Variants in SYNPR observed in about 807,000 individuals in gnomAD.
SYNPR encodes the protein synaptoporin.
A neutral mutation model predicts 32.9 loss-of-function variants in SYNPR; 23 were observed. The ratio of observed to expected loss-of-function variants is 0.70; its 90% confidence interval spans 0.50 to 0.99. The LOEUF (loss-of-function observed/expected upper bound fraction) is 0.99, where lower values mean the gene tolerates loss of function less well. Among genes scored for constraint, SYNPR ranks in the 50% least tolerant of loss-of-function variants. The pLI, the probability that SYNPR is intolerant of heterozygous loss-of-function variation, is 0.00. For missense variants in SYNPR, 318 were observed against 349.3 expected, an observed-to-expected ratio of 0.91 and a Z score of 0.71; for synonymous variants, 146 against 135.9, an observed-to-expected ratio of 1.07 and a Z score of -0.52.
chr3:63,586,322 A>G (rs1317739312), intron 4 of SYNPR, among the ~76,000 whole-genome samples: 1 of 151,948 alleles, frequency 6.6e-6, no homozygotes, highest in Non-Finnish European at 1.5e-5. Flanking sequence ...AAATGTAGTC[A>G]CAATCCTTCC....
intron 2 of SYNPR, among the ~76,000 whole-genome samples, chr3:63,447,221 A>G (rs746357201): frequency 9.2e-5 from 14 of 152,196 alleles, no homozygotes; most frequent in Non-Finnish European, 1.9e-4. Context: ...AATATAGACT[A>G]TCCCTAAAAA....
At chr3:63,442,523 C>A (rs746092898) in intron 2 of SYNPR, among the ~76,000 whole-genome samples, 1 of 152,122 alleles carries the variant, frequency 6.6e-6, no homozygotes, top group South Asian at 2.1e-4. Context: ...GATACAAATG[C>A]CCCCAACACA....
At chr3:63,607,944 C>T (rs1189906933) in intron 4 of SYNPR, among the ~76,000 whole-genome samples, 3 of 152,054 alleles carry the variant, frequency 2.0e-5, no homozygotes, top group African/African-American at 7.2e-5. Context: ...GAAACACATG[C>T]CAAATTTTCT....
the SYNPR span, among the ~76,000 whole-genome samples, chr3:63,201,173 A>G: frequency 5.3e-5 from 8 of 152,162 alleles, no homozygotes; most frequent in Admixed American, 5.2e-4. Flanking sequence ...CAATATTGTA[A>G]CAGATCACTT....
At chr3:63,257,042 A>C (rs2086390382) in intron 2 of SYNPR, among the ~76,000 whole-genome samples, 1 of 152,204 alleles carries the variant, frequency 6.6e-6, no homozygotes, top group Non-Finnish European at 1.5e-5. Flanking sequence ...AGAAATGAAC[A>C]AAGGCCTCCA....
At chr3:63,480,060 G>A (rs1025550704) in intron 2 of SYNPR, among the ~76,000 whole-genome samples, 1 of 152,186 alleles carries the variant, frequency 6.6e-6, no homozygotes, top group East Asian at 1.9e-4. Context: ...TTTAGCATTT[G>A]CTTATGTCCC....
chr3:63,203,066 G>GTATATATATATATATATA, the SYNPR span, among the ~76,000 whole-genome samples: 2 of 12,458 alleles, frequency 1.6e-4, no homozygotes, highest in Non-Finnish European at 3.7e-4. Context: ...ATATATGTAT[G>GTATATATATATATATATA]TGTATATATA....
intron 3 of SYNPR, among the ~76,000 whole-genome samples, chr3:63,526,275 C>T (rs1233703618): frequency 2.6e-5 from 4 of 152,216 alleles, no homozygotes; most frequent in African/African-American, 4.8e-5. Flanking sequence ...ATTTCCCAGA[C>T]AGCAATAGCA....
At chr3:63,295,196 C>T (rs1246399413) in intron 2 of SYNPR, among the ~76,000 whole-genome samples, 1 of 152,116 alleles carries the variant, frequency 6.6e-6, no homozygotes, top group Non-Finnish European at 1.5e-5. Flanking sequence ...GCTATGTCGG[C>T]CTCCCTGTGA....
intron 1 of SYNPR, among the ~76,000 whole-genome samples, chr3:63,241,631 GT>G (rs757612920): frequency 2.0e-5 from 3 of 151,968 alleles, no homozygotes; most frequent in Non-Finnish European, 2.9e-5. Context: ...CATTAAAGTT[GT>G]TACGCCTGGA....
At chr3:63,596,295 C>T (rs988412892) in intron 4 of SYNPR, among the ~76,000 whole-genome samples, 1 of 138,266 alleles carries the variant, frequency 7.2e-6, no homozygotes, top group East Asian at 2.3e-4. Context: ...TTCCTTCCCC[C>T]TCCTCCCCCT....
chr3:63,537,114 C>T (rs556416491), intron 3 of SYNPR, among the ~76,000 whole-genome samples: 49 of 151,894 alleles, frequency 3.2e-4, no homozygotes, highest in African/African-American at 9.2e-4. Flanking sequence ...AAAAGGGTGA[C>T]GATATGTTAA....
intron 2 of SYNPR, among the ~76,000 whole-genome samples, chr3:63,354,167 G>A (rs899692242): frequency 4.6e-5 from 7 of 152,144 alleles, no homozygotes; most frequent in Non-Finnish European, 7.4e-5. Context: ...TGCATAACAA[G>A]CCACCTTAAA....
intron 2 of SYNPR, among the ~76,000 whole-genome samples, chr3:63,288,124 T>C (rs994757407): frequency 1.2e-4 from 19 of 152,196 alleles, no homozygotes; most frequent in African/African-American, 4.1e-4. Context: ...ATTATTTTAG[T>C]TTGGACACAA....
intron 1 of SYNPR, among the ~76,000 whole-genome samples, chr3:63,246,999 C>T (rs984009272): frequency 7.2e-5 from 11 of 151,956 alleles, no homozygotes; most frequent in African/African-American, 2.7e-4. Flanking sequence ...ATCTGTGCAG[C>T]AAATCACCAT....
intron 2 of SYNPR, among the ~76,000 whole-genome samples, chr3:63,390,113 G>A (rs568185807): frequency 1.5e-4 from 23 of 152,284 alleles, no homozygotes; most frequent in Admixed American, 1.2e-3. Flanking sequence ...AGAAAACCAC[G>A]TGAAATCTCA....
chr3:63,463,929 C>G (rs1268753861), intron 2 of SYNPR, among the ~76,000 whole-genome samples: 1 of 152,114 alleles, frequency 6.6e-6, no homozygotes, highest in Non-Finnish European at 1.5e-5. Flanking sequence ...CTTCCTTTCA[C>G]TTATATGTCT....
At chr3:63,434,412 A>G (rs149564381) in intron 2 of SYNPR, among the ~76,000 whole-genome samples, 1 of 152,352 alleles carries the variant, frequency 6.6e-6, no homozygotes, top group African/African-American at 2.4e-5. Flanking sequence ...GTGAATAAAC[A>G]GAGGTTTGGA....
At chr3:63,261,396 A>G (rs1204384950) in intron 2 of SYNPR, among the ~76,000 whole-genome samples, 1 of 151,810 alleles carries the variant, frequency 6.6e-6, no homozygotes, top group African/African-American at 2.4e-5. Flanking sequence ...ATAAAAAATG[A>G]TGAGTTCATG....
Sources: allele counts gnomAD v4.1 joint callset (sites outside exome capture counted in the v4.1 genomes callset), GRCh38; gene constraint gnomAD v4.1.1; transcripts MANE v1.5; gene names NCBI Gene and HGNC (gene_info 2026-07-23, HGNC 2026-07-21).